GLI3: variants seen among roughly 807,000 people sequenced by gnomAD.
GLI3 encodes the protein transcription activator GLI3.
Under a neutral mutation model 100.8 loss-of-function variants are expected in GLI3, and 20 were observed. The ratio of observed to expected loss-of-function variants is 0.20; its 90% CI spans 0.14 to 0.29. The LOEUF (loss-of-function observed/expected upper bound fraction) is 0.29. Ranked by LOEUF, GLI3 falls within the 10% of genes least tolerant of loss-of-function variation. The probability of loss-of-function intolerance (pLI) is 1.00; values close to 1 mark genes in which losing one functional copy is unlikely to be tolerated. For synonymous variants in GLI3, 938 were observed against 860.5 expected, an observed-to-expected ratio of 1.09 and a Z score of -1.58; for missense variants, 2,040 against 2,128.5, an observed-to-expected ratio of 0.96 and a Z score of 0.82.
chr7:42,097,484 T>C (rs1468789251), intron 3 of GLI3, among the ~76,000 whole-genome samples: 1 of 152,154 alleles, frequency 6.6e-6, no homozygotes, highest in Non-Finnish European at 1.5e-5. Context: ...ACGCAGGTGA[T>C]GCCTGGGGCC....
At chr7:42,142,515 A>C (rs1786593235) in intron 3 of GLI3, among the ~76,000 whole-genome samples, 1 of 152,080 alleles carries the variant, frequency 6.6e-6, no homozygotes, top group South Asian at 2.1e-4. Context: ...ATTGTTAACA[A>C]ATTTTTCTAA....
rs769535212 is a variant in GLI3 at position 41,965,780 on chromosome 7, T to C, written c.3293A>G (p.Gln1098Arg). The change falls in exon 15 of 15, where the codon CAG becomes CGG. Residue 1098 changes from glutamine to arginine, a missense_variant. By Grantham distance (43) the Gln-to-Arg change is conservative (BLOSUM62 1). Transcript: ENST00000395925. The part of the protein sequence containing the change: ...DEDFLPDDVV[Q>R]YLNSQNQAGY... ...TGCTTGGTTCTGGGAATTTAAATAC[T>C]GCACCACGTCGTCCGGCAGGAAATC... 2 of 1,613,356 alleles carry C rather than the reference T, an allele frequency of 1.2e-6. No individual in the cohort carries two copies. Among genetic ancestry groups the C allele is most frequent in the South Asian group, 2.2e-5 (2 of 91,080 alleles).
chr7:42,259,596 G>A (rs576744058), intron 1 of GLI3, among the ~76,000 whole-genome samples: 2 of 152,290 alleles, frequency 1.3e-5, no homozygotes, highest in East Asian at 1.9e-4. Flanking sequence ...TGCTGAACAT[G>A]ATATTAGCAT....
chr7:42,062,688 G>C lies in GLI3; in HGVS notation c.474-13992C>G, dbSNP rs533920185. ...TGAAATTGCTTGGATAAGAGAGAAG[G>C]TTTATATATTATACACACACACAGA... On this transcript the variant is annotated intron_variant, in intron 4 of 14. Coordinates refer to ENST00000395925, the MANE Select transcript of GLI3 (RefSeq NM_000168.6). Among the ~76,000 whole-genome samples the C allele has an allele frequency of 2.1e-5, 3 of 145,028 alleles. No individual in the cohort carries two copies. In the South Asian group the frequency reaches 6.7e-4, roughly 32 times the overall value.
intron 7 of GLI3, among the ~76,000 whole-genome samples, chr7:42,033,123 T>C (rs1427905204): frequency 6.6e-6 from 1 of 152,124 alleles, no homozygotes; most frequent in Non-Finnish European, 1.5e-5. Flanking sequence ...GGTGATGCAT[T>C]AGAGAACTAA....
At chr7:42,183,802 C>A (rs893305754) in intron 2 of GLI3, among the ~76,000 whole-genome samples, 1 of 152,296 alleles carries the variant, frequency 6.6e-6, no homozygotes, top group Non-Finnish European at 1.5e-5. Flanking sequence ...GGACCGTCAC[C>A]CCCTCTCACC....
chr7:41,979,441 G>C (rs547421700), intron 10 of GLI3, among the ~76,000 whole-genome samples: 1 of 152,296 alleles, frequency 6.6e-6, no homozygotes, highest in East Asian at 1.9e-4. Flanking sequence ...GTTGCTAAGG[G>C]ACTTTCTAGC....
At chr7:42,137,025 AC>A (rs1388866386) in intron 3 of GLI3, among the ~76,000 whole-genome samples, 2 of 152,216 alleles carry the variant, frequency 1.3e-5, no homozygotes, top group African/African-American at 4.8e-5. Flanking sequence ...CCACTTCCAA[AC>A]CACGTAAAAA....
rs75235738 is a variant in GLI3, at chr7:42,053,494, T to C, written c.474-4798A>G. ...CAAAATTTCCCATAGAAATGACATATATTTTCCTACAAACTATCATCAACT... is the reference window on the plus strand; with the variant it reads ...CAAAATTTCCCATAGAAATGACATACATTTTCCTACAAACTATCATCAACT... On this transcript the variant is annotated intron_variant, in intron 4 of 14. Coordinates refer to ENST00000395925, the MANE Select transcript of GLI3 (RefSeq NM_000168.6). Among the ~76,000 whole-genome samples, 110 of 152,298 alleles carry C rather than the reference T, an allele frequency of 7.2e-4. 1 individual carries two copies. In the East Asian group the frequency reaches 0.01, roughly 14 times the overall value.
chr7:42,058,908 G>A (rs1414965684), intron 4 of GLI3, among the ~76,000 whole-genome samples: 10 of 152,114 alleles, frequency 6.6e-5, no homozygotes, highest in Non-Finnish European at 1.5e-5. Context: ...CAAGGTCAAA[G>A]AATTAAAAAG....
At chr7:42,009,027 A>T (rs893786213) in intron 10 of GLI3, among the ~76,000 whole-genome samples, 29 of 152,216 alleles carry the variant, frequency 1.9e-4, no homozygotes, top group African/African-American at 7.0e-4. Context: ...TGTTATGCAG[A>T]CCAGGGCTGG....
At chr7:42,066,825 C>T (rs143080961) in intron 4 of GLI3, among the ~76,000 whole-genome samples, 7 of 152,278 alleles carry the variant, frequency 4.6e-5, no homozygotes, top group South Asian at 2.1e-4. Context: ...ACGTGTATCA[C>T]TGCAGCCCTG....
intron 3 of GLI3, among the ~76,000 whole-genome samples, chr7:42,123,189 T>C (rs565132361): frequency 3.3e-5 from 5 of 152,336 alleles, no homozygotes; most frequent in African/African-American, 1.2e-4. Context: ...GCCAACACTT[T>C]TTTCACCAGT....
intron 4 of GLI3, among the ~76,000 whole-genome samples, chr7:42,071,967 C>T (rs1784791926): frequency 6.6e-6 from 1 of 151,954 alleles, no homozygotes; most frequent in Admixed American, 6.6e-5. Flanking sequence ...GAAGGAGACA[C>T]ATTGACTCAA....
At position 41,963,266 on chromosome 7, in the gene GLI3, G is replaced by A. The variant is rs1046535318; in HGVS notation, c.*1064C>T. On this transcript the variant is annotated 3_prime_UTR_variant, in exon 15 of 15. Transcript: ENST00000395925. ...AATGGAAATCCTCCCTCACTATAGT[G>A]GAATTAATAAATGTTACTGATACAG... The A allele has an allele frequency of 6.6e-6, 1 of 152,074 alleles. No homozygotes were observed. Among genetic ancestry groups the A allele is most frequent in the African/African-American group, 2.4e-5 (1 of 41,366 alleles). The allele number at this position is 152,074 out of a possible 1,614,324, so 9.4% of individuals were successfully genotyped here.
In GLI3 at chr7:41,964,629, G is replaced by C. The variant is rs748815553; in HGVS notation, c.4444C>G (p.Pro1482Ala). ...GTGCTTGTCACCTGATTAGCACCTG[G>C]GGAAAGTAACTCAGAGTTTTTGGCG... ...TSAKNSELLS[P>A]GANQVTSTVD... The change falls in exon 15 of 15, where the codon CCA (proline) becomes GCA (alanine). Residue 1482 changes from proline (P) to alanine (A), a missense_variant. Transcript: ENST00000395925. 3 of 1,614,074 alleles carry C rather than the reference G, an allele frequency of 1.9e-6. No homozygotes were observed. The highest frequency in any genetic ancestry group is 2.5e-6 in the Non-Finnish European group (3 of 1,179,922).
In GLI3 at chr7:41,965,514, G is replaced by T. The variant is rs1303587069; in HGVS notation, c.3559C>A (p.Gln1187Lys). 1 of 1,606,330 alleles carries T rather than the reference G, an allele frequency of 6.2e-7. No homozygotes were observed. The highest frequency in any genetic ancestry group is 2.2e-5 in the East Asian group (1 of 44,614). Residue 1187 changes from glutamine (Q) to lysine (K), a missense_variant, in exon 15 of 15, where the codon CAG (glutamine) becomes AAG (lysine). By Grantham distance (53) the Gln-to-Lys change is moderately conservative (BLOSUM62 1). Coordinates refer to ENST00000395925, the MANE Select transcript of GLI3 (RefSeq NM_000168.6). ...LKCGPRPAVP[Q>K]TRAFGFCNGM... ...TTGCAGAACCCAAAGGCGCGAGTCT[G>T]CGGCACAGCGGGCCGCGGCCCACAC...
chr7:41,971,662 C>T (rs1787367023), intron 13 of GLI3, among the ~76,000 whole-genome samples: 1 of 152,094 alleles, frequency 6.6e-6, no homozygotes, highest in African/African-American at 2.4e-5. Flanking sequence ...TCCAGTTTAC[C>T]CAGTTTCTAG....
At chr7:42,188,653 T>G (rs1317880299) in intron 2 of GLI3, among the ~76,000 whole-genome samples, 2 of 152,162 alleles carry the variant, frequency 1.3e-5, no homozygotes, top group African/African-American at 4.8e-5. Context: ...CACTGGAATA[T>G]TACTCAGTGC....
Sources: gnomAD v4.1 joint callset for allele counts (sites outside exome capture counted in the v4.1 genomes callset) on GRCh38, gnomAD v4.1.1 for gene constraint, MANE v1.5 for transcripts, NCBI Gene and HGNC (gene_info 2026-07-23, HGNC 2026-07-21) for gene names.